The following SH3RF3 variants were observed in gnomAD, a reference collection of about 807,000 sequenced individuals.
SH3RF3 encodes the protein E3 ubiquitin-protein ligase SH3RF3.
In SH3RF3, 29 loss-of-function variants were observed where a neutral mutation model predicts 66.3. That is an observed-to-expected ratio of 0.44 (90% CI 0.33 to 0.60). The LOEUF is 0.60. Ranked by LOEUF, SH3RF3 falls within the 20% of genes least tolerant of loss-of-function variation. The pLI is 0.04. For synonymous variants in SH3RF3, 583 were observed against 532.0 expected (o/e 1.10, Z -1.32); for missense variants, 1,194 against 1,190.9 (o/e 1.00, Z -0.04).
intron 3 of SH3RF3, among the ~76,000 whole-genome samples, chr2:109,394,748 A>G (rs138130930): frequency 6.6e-6 from 1 of 152,302 alleles, no homozygotes; most frequent in Non-Finnish European, 1.5e-5. Flanking sequence ...TCCTTTCCAG[A>G]TGGCACCTTG....
intron 1 of SH3RF3, among the ~76,000 whole-genome samples, chr2:109,170,223 T>C: frequency 1.4e-5 from 1 of 72,092 alleles, no homozygotes; most frequent in East Asian, 4.3e-4. Flanking sequence ...CTCTTTTTTC[T>C]CTTCTCTTCT....
At chr2:109,306,034 C>T (rs1051747657) in intron 1 of SH3RF3, among the ~76,000 whole-genome samples, 1 of 152,228 alleles carries the variant, frequency 6.6e-6, no homozygotes, top group Non-Finnish European at 1.5e-5. Flanking sequence ...TGATTCGCTG[C>T]CTTCTGCTGG....
At chr2:109,366,187 ACTTT>A (rs1201309428) in intron 2 of SH3RF3, among the ~76,000 whole-genome samples, 1 of 152,196 alleles carries the variant, frequency 6.6e-6, no homozygotes, top group Non-Finnish European at 1.5e-5. Flanking sequence ...ATATATTTAA[ACTTT>A]CTTAAGCAAA....
intron 8 of SH3RF3, among the ~76,000 whole-genome samples, chr2:109,474,336 T>C (rs1396445805): frequency 6.6e-6 from 1 of 152,172 alleles, no homozygotes; most frequent in Non-Finnish European, 1.5e-5. Context: ...GAGAAACCCC[T>C]GTGGGTTTCT....
intron 4 of SH3RF3, among the ~76,000 whole-genome samples, chr2:109,416,453 C>T (rs763949734): frequency 8.5e-5 from 13 of 152,106 alleles, no homozygotes; most frequent in Admixed American, 8.5e-4. Flanking sequence ...CAAAATATCT[C>T]GGCTCACTGC....
intron 1 of SH3RF3, among the ~76,000 whole-genome samples, chr2:109,222,119 C>G (rs1248006255): frequency 1.3e-5 from 2 of 152,042 alleles, no homozygotes; most frequent in Admixed American, 6.5e-5. Context: ...ATTGGACGAT[C>G]TCACTCATAT....
chr2:109,187,021 CCTGGCACCCCACCCCATAGGTG>C (rs1678208566), intron 1 of SH3RF3, among the ~76,000 whole-genome samples: 3 of 149,890 alleles, frequency 2.0e-5, no homozygotes, highest in South Asian at 4.3e-4. Flanking sequence ...TGGGCCTAGC[CCTGGCACCCCACCCCATAGGTG>C]CTGGCCCCAC....
At chr2:109,337,607 A>G (rs901377432) in intron 1 of SH3RF3, among the ~76,000 whole-genome samples, 6 of 152,006 alleles carry the variant, frequency 3.9e-5, no homozygotes, top group African/African-American at 1.2e-4. Context: ...TAGGAAGTCC[A>G]TCCTCCATTG....
chr2:109,448,559 A>G (rs951945459), intron 7 of SH3RF3, among the ~76,000 whole-genome samples: 3 of 152,176 alleles, frequency 2.0e-5, no homozygotes, highest in African/African-American at 7.2e-5. Context: ...TCTAGGTTGC[A>G]CGCTCCTTAT....
chr2:109,485,804 G>A lies in SH3RF3; in HGVS notation c.2149-4801G>A, dbSNP rs955403784. Among the ~76,000 whole-genome samples the A allele has an allele frequency of 5.3e-5, 8 of 152,232 alleles. No individual in the cohort carries two copies. In the East Asian group the frequency reaches 7.7e-4, roughly 15 times the overall value. The stretch of plus-strand genomic sequence containing the variant: ...CCCTTCTGTAACATGTCAGTGTTCC[G>A]TGCCTGGGCACAGGGATGCTTTCAC... On this transcript the variant is annotated intron_variant, in intron 8 of 9. Transcript: ENST00000309415.
At chr2:109,284,515 C>T (rs1470180184) in intron 1 of SH3RF3, among the ~76,000 whole-genome samples, 1 of 152,172 alleles carries the variant, frequency 6.6e-6, no homozygotes, top group Non-Finnish European at 1.5e-5. Flanking sequence ...GCCTTGGAAG[C>T]CACTGGAGTC....
chr2:109,387,776 T>C (rs1351144503), intron 3 of SH3RF3, among the ~76,000 whole-genome samples: 1 of 152,212 alleles, frequency 6.6e-6, no homozygotes, highest in Non-Finnish European at 1.5e-5. Context: ...CTGTATTTAT[T>C]TCACAGTGCT....
chr2:109,404,341 G>T (rs1351469475), intron 4 of SH3RF3, among the ~76,000 whole-genome samples: 32 of 152,226 alleles, frequency 2.1e-4, no homozygotes, highest in Admixed American at 2.1e-3. Flanking sequence ...TGTGTAAGGT[G>T]AGCTCGAGGC....
At chr2:109,485,446 C>G (rs1178347220) in intron 8 of SH3RF3, among the ~76,000 whole-genome samples, 1 of 152,180 alleles carries the variant, frequency 6.6e-6, no homozygotes, top group Non-Finnish European at 1.5e-5. Flanking sequence ...TGACCTTTAA[C>G]TGGCACTGAA....
At chr2:109,364,889 G>A (rs1306567336) in intron 2 of SH3RF3, among the ~76,000 whole-genome samples, 4 of 152,138 alleles carry the variant, frequency 2.6e-5, no homozygotes, top group African/African-American at 9.7e-5. Context: ...TCAGGAGTTC[G>A]AGACCAGCCT....
At chr2:109,449,116 TGG>T in intron 7 of SH3RF3, 52 bp from the exon 8 acceptor site, 2 of 1,557,362 alleles carry the variant, frequency 1.3e-6, no homozygotes, top group Non-Finnish European at 1.7e-6. Context: ...CTGGCAGGCA[TGG>T]CAAGTTGCAA....
At chr2:109,406,848 C>G (rs1392845457) in intron 4 of SH3RF3, among the ~76,000 whole-genome samples, 1 of 152,046 alleles carries the variant, frequency 6.6e-6, no homozygotes, top group Admixed American at 6.5e-5. Context: ...TTTCAGTGGT[C>G]GAAGCCAATC....
intron 1 of SH3RF3, 29 bp from the exon 2 acceptor site, chr2:109,347,645 G>A (rs746754419): frequency 1.5e-4 from 236 of 1,606,138 alleles, no homozygotes; most frequent in Non-Finnish European, 1.8e-4. Flanking sequence ...GGGCATGCCC[G>A]GTGACCACAT....
intron 1 of SH3RF3, among the ~76,000 whole-genome samples, chr2:109,176,424 A>G (rs1414159314): frequency 6.6e-6 from 1 of 152,210 alleles, no homozygotes; most frequent in African/African-American, 2.4e-5. Flanking sequence ...ATAGTTGCTC[A>G]CAATTTCTTG....
Sources: gnomAD v4.1 joint callset for allele counts (sites outside exome capture counted in the v4.1 genomes callset) on GRCh38, gnomAD v4.1.1 for gene constraint, MANE v1.5 for transcripts, NCBI Gene and HGNC (gene_info 2026-07-23, HGNC 2026-07-21) for gene names.